MAGI3: variants seen among roughly 807,000 people sequenced by gnomAD.
The protein encoded by MAGI3 is membrane-associated guanylate kinase, WW and PDZ domain-containing protein 3.
MAGI3 carries 43 observed loss-of-function variants against 121.8 expected under a neutral mutation model. That is an observed-to-expected ratio of 0.35 (90% CI 0.28 to 0.46). The LOEUF is 0.46. Among genes scored for constraint, MAGI3 ranks in the 20% least tolerant of loss-of-function variants. The pLI is 1.00. For missense variants in MAGI3, 1,547 were observed against 1,797.3 expected, an observed-to-expected ratio of 0.86 and a Z score of 2.52; for synonymous variants, 553 against 639.3, an observed-to-expected ratio of 0.86 and a Z score of 2.04.
intron 1 of MAGI3, among the ~76,000 whole-genome samples, chr1:113,402,078 G>A (rs1161347348): frequency 2.0e-5 from 3 of 152,202 alleles, no homozygotes; most frequent in Non-Finnish European, 2.9e-5. Flanking sequence ...GCATGGTAGA[G>A]CAGAGACTAG....
chr1:113,407,450 T>C (rs1484265536), intron 1 of MAGI3, among the ~76,000 whole-genome samples: 1 of 152,040 alleles, frequency 6.6e-6, no homozygotes, highest in Non-Finnish European at 1.5e-5. Context: ...AGACAGGAGG[T>C]TGGGTGGAGT....
rs1648443881 is a variant in MAGI3, at chr1:113,684,690, A to ATAT, written c.*679_*681dup. Reference sequence around the variant, plus strand: ...AAGTTGTTTCAAATAACTGTTAAAGATATTACTTACAATTGAATGTTTGAA... The same window carrying ATAT: ...AAGTTGTTTCAAATAACTGTTAAAGATATTATTACTTACAATTGAATGTTTGAA... On this transcript the variant is annotated 3_prime_UTR_variant, in exon 21 of 21. Coordinates refer to ENST00000307546, the MANE Select transcript of MAGI3 (RefSeq NM_001142782.2). The ATAT allele has an allele frequency of 6.6e-6, 1 of 152,372 alleles. No individual in the cohort carries two copies. Among genetic ancestry groups the ATAT allele is most frequent in the Admixed American group, 6.5e-5 (1 of 15,282 alleles). 9.4% of individuals were successfully genotyped at this position (152,372 alleles called of 1,614,324 possible).
intron 2 of MAGI3, among the ~76,000 whole-genome samples, chr1:113,563,603 A>G (rs1248369333): frequency 6.6e-6 from 1 of 152,160 alleles, no homozygotes; most frequent in Non-Finnish European, 1.5e-5. Context: ...TGATTTCATG[A>G]GTACCAGCAG....
chr1:113,456,853 CTT>C (rs76977595), intron 1 of MAGI3, among the ~76,000 whole-genome samples: 10 of 139,704 alleles, frequency 7.2e-5, no homozygotes, highest in African/African-American at 1.6e-4. Flanking sequence ...CGGATACAGC[CTT>C]TTTTTTTTTT....
chr1:113,645,591 C>CT (rs1222423665), intron 11 of MAGI3, among the ~76,000 whole-genome samples: 1 of 152,116 alleles, frequency 6.6e-6, no homozygotes, highest in Non-Finnish European at 1.5e-5. Context: ...GGGTAGGAGA[C>CT]TACTGTTAGC....
intron 1 of MAGI3, among the ~76,000 whole-genome samples, chr1:113,530,809 G>A (rs904968625): frequency 7.9e-5 from 12 of 151,992 alleles, no homozygotes; most frequent in South Asian, 6.2e-4. Context: ...CCAGCTACTC[G>A]CGAAGCTGAG....
Position 113,609,651 on chromosome 1 carries a change from A to C in MAGI3, c.1019-4950A>C, listed in dbSNP as rs1370366522. Among the ~76,000 whole-genome samples, 4 of 152,232 alleles carry C rather than the reference A, an allele frequency of 2.6e-5. No homozygotes were observed. In the East Asian group the frequency reaches 7.7e-4, roughly 29 times the overall value. On this transcript the variant is annotated intron_variant, in intron 6 of 20. Coordinates refer to ENST00000307546, the MANE Select transcript of MAGI3 (RefSeq NM_001142782.2). The stretch of plus-strand genomic sequence containing the variant: ...TCAGAGCTTAGAGAATGATTAAAAA[A>C]ATTATCAACTGAATAGAGCTCCACC...
intron 19 of MAGI3, 102 bp from the exon 20 acceptor site, chr1:113,681,096 A>T (rs571022540): frequency 1.4e-6 from 2 of 1,399,976 alleles, no homozygotes; most frequent in South Asian, 2.8e-5. Flanking sequence ...TTTACAAACG[A>T]AAGAATCACT....
At chr1:113,520,870 G>A (rs1362827295) in intron 1 of MAGI3, among the ~76,000 whole-genome samples, 2 of 152,072 alleles carry the variant, frequency 1.3e-5, no homozygotes, top group Admixed American at 1.3e-4. Context: ...CCAAAGTGCT[G>A]GGATTACAGG....
intron 9 of MAGI3, among the ~76,000 whole-genome samples, chr1:113,627,874 C>T (rs1283617526): frequency 6.6e-6 from 1 of 151,894 alleles, no homozygotes; most frequent in Non-Finnish European, 1.5e-5. Context: ...CATGGAATGT[C>T]TTTTTCCAGT....
intron 1 of MAGI3, among the ~76,000 whole-genome samples, chr1:113,476,482 C>CAGT (rs1190056034): frequency 6.6e-6 from 1 of 152,134 alleles, no homozygotes; most frequent in Non-Finnish European, 1.5e-5. Context: ...GTTATTTACC[C>CAGT]AGTAGTCATT....
At chr1:113,424,253 A>G (rs571194855) in intron 1 of MAGI3, among the ~76,000 whole-genome samples, 6 of 108,180 alleles carry the variant, frequency 5.5e-5, no homozygotes, top group South Asian at 3.5e-4. Context: ...ACCACTCCAC[A>G]TGGGCCGCCA....
chr1:113,643,563 T>G (rs1652667908), intron 10 of MAGI3, among the ~76,000 whole-genome samples, 180 bp from the exon 11 acceptor site: 1 of 152,206 alleles, frequency 6.6e-6, no homozygotes, highest in Non-Finnish European at 1.5e-5. Context: ...ATTTGTGCCT[T>G]CAGATTGTTA....
At chr1:113,560,879 A>G (rs1018133096) in intron 2 of MAGI3, among the ~76,000 whole-genome samples, 4 of 152,202 alleles carry the variant, frequency 2.6e-5, no homozygotes, top group South Asian at 2.1e-4. Context: ...AGATTAATAA[A>G]CAAGAAAAGA....
At chr1:113,461,817 C>T (rs1221301355) in intron 1 of MAGI3, among the ~76,000 whole-genome samples, 1 of 152,150 alleles carries the variant, frequency 6.6e-6, no homozygotes, top group African/African-American at 2.4e-5. Context: ...TATTTACAAA[C>T]TATGCATCTG....
intron 1 of MAGI3, among the ~76,000 whole-genome samples, chr1:113,517,426 A>G (rs1053974891): frequency 6.6e-6 from 1 of 151,476 alleles, no homozygotes; most frequent in Admixed American, 6.6e-5. Context: ...TTAATACCAT[A>G]GAGAAAAAAA....
At chr1:113,601,902 A>G (rs918005392) in intron 6 of MAGI3, among the ~76,000 whole-genome samples, 2 of 149,570 alleles carry the variant, frequency 1.3e-5, no homozygotes, top group Admixed American at 6.7e-5. Context: ...ATAAAAAATG[A>G]TGAGTTCATG....
chr1:113,456,117 A>ATTTTTTT (rs35038942), intron 1 of MAGI3, among the ~76,000 whole-genome samples: 9 of 113,248 alleles, frequency 7.9e-5, no homozygotes, highest in East Asian at 5.4e-4. Flanking sequence ...CGCCCGGCTA[A>ATTTTTTT]TTTTTTTTTT....
rs1656297545 is a variant in MAGI3 at position 113,484,817 on chromosome 1, C to T, written c.317-64698C>T. On this transcript the variant is annotated intron_variant, in intron 1 of 20. Coordinates refer to ENST00000307546, the MANE Select transcript of MAGI3 (RefSeq NM_001142782.2). ...TTGTCTCCCTGCAACCTCTGTGTCC[C>T]GGGTTCAAGCAATTCTTTGGCCTCA... Among the ~76,000 whole-genome samples, 3 of 149,752 alleles carry T rather than the reference C, an allele frequency of 2.0e-5. No homozygotes were observed. The South Asian group carries it at 6.5e-4, about 33-fold the overall frequency.
Sources: allele counts gnomAD v4.1 joint callset (sites outside exome capture counted in the v4.1 genomes callset), GRCh38; gene constraint gnomAD v4.1.1; transcripts MANE v1.5; gene names NCBI Gene and HGNC (gene_info 2026-07-23, HGNC 2026-07-21).